The following CCDC152 variants were observed in gnomAD, a reference collection of about 807,000 sequenced individuals.
CCDC152 encodes the protein coiled-coil domain containing 152.
A neutral mutation model predicts 38.1 loss-of-function variants in CCDC152; 37 were observed. That is an observed-to-expected ratio of 0.97 (90% CI 0.75 to 1.28). The LOEUF (loss-of-function observed/expected upper bound fraction) is 1.28, where lower values mean the gene tolerates loss of function less well. CCDC152 is among the 50% of genes most tolerant of loss of function. CCDC152 has a pLI of 0.00. For missense variants in CCDC152, 259 were observed against 292.1 expected, an observed-to-expected ratio of 0.89 and a Z score of 0.83; for synonymous variants, 83 against 87.1, an observed-to-expected ratio of 0.95 and a Z score of 0.26.
intron 4 of CCDC152, among the ~76,000 whole-genome samples, chr5:42,777,391 G>C (rs140982966): frequency 2.0e-5 from 3 of 151,996 alleles, no homozygotes; most frequent in African/African-American, 7.3e-5. Context: ...GAACCCAGGA[G>C]GGGGAGGTTG....
In CCDC152 at chr5:42,796,946, TAC is replaced by T; in HGVS notation, c.550_551del (p.Gln184ThrfsTer4). On this transcript the variant is annotated frameshift_variant, in exon 7 of 9. Transcript: ENST00000361970. LOFTEE classifies it high-confidence loss of function. ...GAAAAACAAAATGAAATAATCAAGC[TAC>T]AACTAGAAGTAAGTGTTTAAGAGTC... is the stretch of plus-strand genomic sequence containing the variant. 6.6e-7 allele frequency: 1 copy of T among 1,520,428 alleles called. No homozygotes were observed. The highest frequency in any genetic ancestry group is 1.3e-5 in the South Asian group (1 of 78,352). The allele number at this position is 1,520,428 out of a possible 1,614,324, so 94.2% of individuals were successfully genotyped here. A position where few individuals can be genotyped will look rare whatever the true frequency, so the allele number is the denominator to read the frequency against.
intron 1 of CCDC152, among the ~76,000 whole-genome samples, chr5:42,757,975 T>C (rs2111929715): frequency 1.3e-5 from 2 of 152,334 alleles, no homozygotes; most frequent in South Asian, 4.1e-4. Context: ...AAACAGCAAT[T>C]ATTTTTAATT....
intron 4 of CCDC152, among the ~76,000 whole-genome samples, chr5:42,775,009 C>T (rs1759753092): frequency 1.4e-5 from 2 of 139,564 alleles, no homozygotes; most frequent in Non-Finnish European, 3.1e-5. Flanking sequence ...TAGAAACTTC[C>T]GAAACTGAAA....
intron 2 of CCDC152, among the ~76,000 whole-genome samples, chr5:42,760,638 A>C (rs1759540568): frequency 6.6e-6 from 1 of 152,194 alleles, no homozygotes; most frequent in Admixed American, 6.5e-5. Flanking sequence ...AGGGAGGCTA[A>C]TATCTACTTC....
At chr5:42,758,182 T>TAACC (rs1759506215) in intron 1 of CCDC152, among the ~76,000 whole-genome samples, 2 of 152,232 alleles carry the variant, frequency 1.3e-5, no homozygotes, top group Middle Eastern at 3.2e-3. Context: ...AAACCATTAA[T>TAACC]AATTGCTAAT....
intron 5 of CCDC152, among the ~76,000 whole-genome samples, chr5:42,783,131 A>G (rs753719015): frequency 1.3e-5 from 2 of 152,050 alleles, no homozygotes; most frequent in African/African-American, 2.4e-5. Context: ...TAGCCTCCCA[A>G]AGTGCTGGGA....
intron 4 of CCDC152, among the ~76,000 whole-genome samples, chr5:42,772,399 T>A (rs1759710845): frequency 6.6e-6 from 1 of 151,958 alleles, no homozygotes; most frequent in South Asian, 2.1e-4. Context: ...CAAGTACAAG[T>A]TTTAAAATAG....
chr5:42,799,085 G>C (rs1760121935), intron 7 of CCDC152, among the ~76,000 whole-genome samples: 1 of 152,036 alleles, frequency 6.6e-6, no homozygotes, highest in African/African-American at 2.4e-5. Context: ...GATGACGCTA[G>C]CTGCACACCA....
At position 42,799,707 on chromosome 5, in the gene CCDC152, C is replaced by T. The variant is rs865979371; in HGVS notation, c.691C>T (p.Arg231Cys). ...EEKNKEIAIL[R>C]NTIRDLEQRL... ...AAAAAACAAGGAGATTGCAATTCTT[C>T]GTAATACCATTCGCGATTTAGAGCA... The change falls in exon 9 of 9, where the codon CGT becomes TGT. Residue 231 changes from arginine (R) to cysteine (C), a missense_variant. Physicochemically the swap from Arg to Cys is radical, Grantham distance 180. Transcript: ENST00000361970. The T allele has an allele frequency of 5.2e-6, 8 of 1,550,456 alleles. No homozygotes were observed. The highest frequency in any genetic ancestry group is 2.4e-5 in the South Asian group (2 of 83,950).
chr5:42,762,693 A>T, intron 3 of CCDC152, 145 bp downstream of exon 3: 1 of 607,108 alleles, frequency 1.6e-6, no homozygotes, highest in Non-Finnish European at 3.0e-6. Context: ...TATCCTTACT[A>T]TAGCCCTGAA....
At chr5:42,761,069 A>G (rs1759546303) in intron 2 of CCDC152, among the ~76,000 whole-genome samples, 1 of 152,220 alleles carries the variant, frequency 6.6e-6, no homozygotes, top group Non-Finnish European at 1.5e-5. Context: ...AGATCAATTC[A>G]AAAGTGGTGA....
intron 6 of CCDC152, among the ~76,000 whole-genome samples, chr5:42,791,079 A>G (rs909091271): frequency 2.0e-5 from 3 of 152,310 alleles, no homozygotes; most frequent in Non-Finnish European, 4.4e-5. Flanking sequence ...ATATTTAGCC[A>G]ATGGGTTCCA....
chr5:42,760,303 C>CAAA (rs148225690), intron 2 of CCDC152, among the ~76,000 whole-genome samples: 4 of 105,786 alleles, frequency 3.8e-5, no homozygotes, highest in African/African-American at 7.2e-5. Context: ...GACTCCGTCT[C>CAAA]AAAAAAAAAA....
chr5:42,775,913 T>TAAAAAAAAAAAAAAA (rs34618464), intron 4 of CCDC152, among the ~76,000 whole-genome samples: 1 of 105,398 alleles, frequency 9.5e-6, no homozygotes. Flanking sequence ...GGACAATCAC[T>TAAAAAAAAAAAAAAA]AAAAAAAAAA....
rs951779309 is a variant in CCDC152 at position 42,770,727 on chromosome 5, T to C, written c.262+1062T>C. Among the ~76,000 whole-genome samples the C allele has an allele frequency of 3.3e-5, 5 of 152,298 alleles. No homozygotes were observed. In the South Asian group the frequency reaches 1.0e-3, roughly 32 times the overall value. On this transcript the variant is annotated intron_variant, in intron 4 of 8. Coordinates refer to ENST00000361970, the MANE Select transcript of CCDC152 (RefSeq NM_001134848.2). ...CATTAAATATGCAGATCATTTTAGA[T>C]AGTATGGACATTTTAATAATATTCT...
rs561977376 is a variant in CCDC152, at chr5:42,800,892, G to A, written c.*1111G>A. The A allele has an allele frequency of 1.9e-6, 3 of 1,614,152 alleles. No individual in the cohort carries two copies. The highest frequency in any genetic ancestry group is 1.3e-5 in the African/African-American group (1 of 75,042). ...AAGTCCCTGTCAGCTACATAAAGATGGGAGGTTTTCTTTACACTGTCAGGT... is the reference window on the plus strand; with the variant it reads ...AAGTCCCTGTCAGCTACATAAAGATAGGAGGTTTTCTTTACACTGTCAGGT... On this transcript the variant is annotated 3_prime_UTR_variant, in exon 9 of 9. Coordinates refer to ENST00000361970, the MANE Select transcript of CCDC152 (RefSeq NM_001134848.2).
At chr5:42,773,834 A>T (rs1057093048) in intron 4 of CCDC152, among the ~76,000 whole-genome samples, 1 of 152,232 alleles carries the variant, frequency 6.6e-6, no homozygotes, top group African/African-American at 2.4e-5. Context: ...AAATTAATTT[A>T]TGGAAAAACC....
chr5:42,791,203 C>T (rs527274712), intron 6 of CCDC152, among the ~76,000 whole-genome samples: 2 of 152,202 alleles, frequency 1.3e-5, no homozygotes, highest in East Asian at 3.9e-4. Context: ...AATTGTAGTA[C>T]CTGTTAAGCA....
chr5:42,759,326 T>C (rs1223956880), intron 2 of CCDC152, 118 bp downstream of exon 2: 6 of 569,898 alleles, frequency 1.1e-5, no homozygotes, highest in Non-Finnish European at 1.9e-5. Context: ...AATAATATTA[T>C]ATTTTGCTAT....
Sources: allele counts gnomAD v4.1 joint callset (sites outside exome capture counted in the v4.1 genomes callset), GRCh38; gene constraint gnomAD v4.1.1; transcripts MANE v1.5; gene names NCBI Gene and HGNC (gene_info 2026-07-23, HGNC 2026-07-21).